Variants in MIX23 observed in about 807,000 individuals in gnomAD.
The protein encoded by MIX23 is protein MIX23.
A neutral mutation model predicts 21.6 loss-of-function variants in MIX23; 13 were observed. That is an observed-to-expected ratio of 0.60 (90% CI 0.39 to 0.96). The LOEUF (loss-of-function observed/expected upper bound fraction) is 0.96. MIX23 is among the 40% of genes least tolerant of loss of function. The pLI, the probability that MIX23 is intolerant of heterozygous loss-of-function variation, is 0.00. For missense variants in MIX23, 144 were observed against 171.2 expected (o/e 0.84, Z 0.89); for synonymous variants, 59 against 58.0 (o/e 1.02, Z -0.08).
intron 3 of MIX23, among the ~76,000 whole-genome samples, chr3:122,364,514 G>A (rs781314982): frequency 6.6e-6 from 1 of 152,130 alleles, no homozygotes. Context: ...TGTAGAAAAG[G>A]GTTCAGAATT....
chr3:122,366,083 C>T (rs904685568), intron 3 of MIX23, among the ~76,000 whole-genome samples: 21 of 152,074 alleles, frequency 1.4e-4, no homozygotes, highest in Middle Eastern at 3.4e-3. Context: ...GAGGCTGAGG[C>T]AGGAGAATCT....
intron 1 of MIX23, among the ~76,000 whole-genome samples, chr3:122,382,811 A>C (rs2075544232): frequency 6.6e-6 from 1 of 152,116 alleles, no homozygotes; most frequent in African/African-American, 2.4e-5. Context: ...TCCCACAAAA[A>C]CTCTACTTAC....
intron 4 of MIX23, among the ~76,000 whole-genome samples, chr3:122,361,125 G>C (rs1339808361): frequency 2.6e-5 from 4 of 152,162 alleles, no homozygotes. Context: ...GATTACAGGC[G>C]TGAGCCAGTA....
chr3:122,378,766 T>C lies in MIX23; in HGVS notation c.51+4408A>G, dbSNP rs146788747. Among the ~76,000 whole-genome samples, 8 of 152,356 alleles carry C rather than the reference T, an allele frequency of 5.3e-5. No homozygotes were observed. In the East Asian group the frequency reaches 1.3e-3, roughly 26 times the overall value. ...TCATTATGTGGAGCATGACTCTGTA[T>C]CAATTTTTCTGTGTGTACTAGAGAA... On this transcript the variant is annotated intron_variant, in intron 1 of 4. Transcript: ENST00000291458.
At chr3:122,382,108 CTT>C (rs1469139369) in intron 1 of MIX23, among the ~76,000 whole-genome samples, 1 of 152,214 alleles carries the variant, frequency 6.6e-6, no homozygotes, top group African/African-American at 2.4e-5. Context: ...TTTAAACACT[CTT>C]TTCTGGATTT....
chr3:122,369,525 C>T (rs987401637), intron 2 of MIX23, among the ~76,000 whole-genome samples: 10 of 152,168 alleles, frequency 6.6e-5, no homozygotes, highest in African/African-American at 1.9e-4. Context: ...GCTGCAGGCT[C>T]GATCCCTGGC....
At position 122,359,904 on chromosome 3, in the gene MIX23, A is replaced by T; in HGVS notation, c.400T>A (p.Cys134Ser). The change falls in exon 5 of 5, where the codon TGC (cysteine) becomes AGC (serine). Residue 134 changes from cysteine to serine, a missense_variant. Transcript: ENST00000291458. ...DRSWKVFNER[C>S]RIHFKPPKNE is the part of the protein sequence containing the mutation. ...TTTGGAGGCTTGAAGTGAATTCGGC[A>T]GCGTTCATTAAACACCTAAAATATT... 1 of 1,563,782 alleles carries T rather than the reference A, an allele frequency of 6.4e-7. No individual in the cohort carries two copies. The highest frequency in any genetic ancestry group is 8.6e-7 in the Non-Finnish European group (1 of 1,159,302).
intron 4 of MIX23, among the ~76,000 whole-genome samples, 155 bp downstream of exon 4, chr3:122,362,813 A>ACCCCC (rs2075368221): frequency 8.5e-5 from 12 of 140,802 alleles, no homozygotes; most frequent in African/African-American, 1.3e-4. Context: ...CCTCCCCCCA[A>ACCCCC]CCCCAAAAGG....
At chr3:122,362,947 A>G in intron 4 of MIX23, 21 bp downstream of exon 4, 1 of 1,608,490 alleles carries the variant, frequency 6.2e-7, no homozygotes. Context: ...CTTCTTTCCA[A>G]ACACCAACAT....
chr3:122,368,176 C>T lies in MIX23; in HGVS notation c.324G>A (p.Lys108=). The change falls in exon 3 of 5, where the codon AAG becomes AAA. Residue 108 remains lysine, a splice_region_variant and synonymous_variant. Coordinates refer to ENST00000291458, the MANE Select transcript of MIX23 (RefSeq NM_001017928.4). ...GAAATGTTAATTCTGTTCAACTTACCTTTGTCTGCTCTTTTCTAAGTTGTT... is the reference window on the plus strand; with the variant it reads ...GAAATGTTAATTCTGTTCAACTTACTTTTGTCTGCTCTTTTCTAAGTTGTT... The part of the protein sequence containing the change: ...LLKQLRKEQT[K]LKWMQSELNV... The T allele has an allele frequency of 6.2e-7, 1 of 1,609,876 alleles. No individual in the cohort carries two copies. The highest frequency in any genetic ancestry group is 8.5e-7 in the Non-Finnish European group (1 of 1,179,428).
chr3:122,363,295 A>G (rs1279301400), intron 3 of MIX23, among the ~76,000 whole-genome samples: 1 of 148,668 alleles, frequency 6.7e-6, no homozygotes, highest in African/African-American at 2.6e-5. Context: ...AAGGCCAGTC[A>G]GTTCACAGAA....
chr3:122,373,157 T>C (rs1404783372), intron 1 of MIX23: 3 of 293,192 alleles, frequency 1.0e-5, no homozygotes, highest in Non-Finnish European at 2.0e-5. Context: ...CTTTGGTCTT[T>C]TTTCTACACA....
intron 1 of MIX23, among the ~76,000 whole-genome samples, chr3:122,374,823 G>A (rs2075471267): frequency 6.6e-6 from 1 of 152,178 alleles, no homozygotes; most frequent in Admixed American, 6.5e-5. Flanking sequence ...ATACTAAAAA[G>A]TACTATGAAA....
chr3:122,367,416 G>T (rs2075405040), intron 3 of MIX23, among the ~76,000 whole-genome samples: 1 of 152,148 alleles, frequency 6.6e-6, no homozygotes, highest in Non-Finnish European at 1.5e-5. Flanking sequence ...TCACATACAA[G>T]TGCTGTAAAG....
intron 1 of MIX23, among the ~76,000 whole-genome samples, chr3:122,376,232 G>A (rs1402061024): frequency 6.7e-6 from 1 of 148,192 alleles, no homozygotes; most frequent in African/African-American, 2.5e-5. Context: ...ATTCACAGCA[G>A]CAAGCTAAGT....
At chr3:122,368,940 T>C (rs923444951) in intron 2 of MIX23, among the ~76,000 whole-genome samples, 8 of 152,228 alleles carry the variant, frequency 5.3e-5, no homozygotes, top group Non-Finnish European at 1.2e-4. Context: ...ATCAATTGTG[T>C]GTGCTTATTG....
intron 2 of MIX23, among the ~76,000 whole-genome samples, chr3:122,370,881 A>T (rs73186094): frequency 1.2e-3 from 183 of 152,354 alleles, no homozygotes; most frequent in Non-Finnish European, 2.3e-3. Flanking sequence ...CAGAACAAAA[A>T]TATCAGTAGT....
intron 1 of MIX23, among the ~76,000 whole-genome samples, chr3:122,375,495 T>C (rs1468786910): frequency 6.6e-6 from 1 of 152,138 alleles, no homozygotes; most frequent in African/African-American, 2.4e-5. Context: ...AAAAAAATGA[T>C]ATGGTATTTG....
intron 3 of MIX23, among the ~76,000 whole-genome samples, chr3:122,366,970 T>C (rs1305423283): frequency 2.0e-5 from 3 of 152,074 alleles, no homozygotes; most frequent in East Asian, 1.9e-4. Flanking sequence ...ATTTTGATAA[T>C]TGTACACTGG....
Sources: gnomAD v4.1 joint callset for allele counts (sites outside exome capture counted in the v4.1 genomes callset) on GRCh38, gnomAD v4.1.1 for gene constraint, MANE v1.5 for transcripts, NCBI Gene and HGNC (gene_info 2026-07-23, HGNC 2026-07-21) for gene names.